RAB27A: variants seen among roughly 807,000 people sequenced by gnomAD.
RAB27A encodes RAB27A, member RAS oncogene family.
In RAB27A, 17 loss-of-function variants were observed where a neutral mutation model predicts 20.8. The observed-to-expected ratio is 0.82, with a 90% CI of 0.56 to 1.23. RAB27A has a LOEUF of 1.23. Among genes scored for constraint, RAB27A ranks in the 50% most tolerant of loss-of-function variants. The pLI is 0.00. For missense variants in RAB27A, 277 were observed against 266.7 expected (o/e 1.04, Z -0.27); for synonymous variants, 85 against 92.8 (o/e 0.92, Z 0.48).
chr15:55,285,450 G>C (rs766087669), intron 1 of RAB27A, among the ~76,000 whole-genome samples: 17 of 152,128 alleles, frequency 1.1e-4, no homozygotes, highest in African/African-American at 1.7e-4. Context: ...AAACCAGAGA[G>C]TCCAAACAGA....
At chr15:55,301,533 C>T (rs931939821) in intron 2 of RAB27A, among the ~76,000 whole-genome samples, 1 of 151,676 alleles carries the variant, frequency 6.6e-6, no homozygotes, top group African/African-American at 2.4e-5. Flanking sequence ...AATTCACACA[C>T]AATAAAGTTC....
chr15:55,233,218 T>C (rs368775337), intron 3 of RAB27A, among the ~76,000 whole-genome samples: 1 of 152,168 alleles, frequency 6.6e-6, no homozygotes, highest in Non-Finnish European at 1.5e-5. Context: ...GTCATTCGTA[T>C]AGCAATAATG....
chr15:55,318,686 A>T (rs901592959), intron 1 of RAB27A, among the ~76,000 whole-genome samples: 1 of 148,730 alleles, frequency 6.7e-6, no homozygotes, highest in African/African-American at 2.5e-5. Flanking sequence ...GGACTACAAG[A>T]GCGAAACTCC....
At chr15:55,258,244 G>T (rs568866778) in intron 2 of RAB27A, among the ~76,000 whole-genome samples, 1 of 152,024 alleles carries the variant, frequency 6.6e-6, no homozygotes, top group Non-Finnish European at 1.5e-5. Flanking sequence ...TGTTTTCCTA[G>T]AAGAAGAATT....
chr15:55,276,683 G>A (rs560634709), intron 1 of RAB27A, among the ~76,000 whole-genome samples: 1 of 152,318 alleles, frequency 6.6e-6, no homozygotes, highest in African/African-American at 2.4e-5. Flanking sequence ...CATAGTTAAA[G>A]AGAACAAGTT....
chr15:55,216,673 T>C (rs542059806), intron 6 of RAB27A, among the ~76,000 whole-genome samples: 3 of 152,306 alleles, frequency 2.0e-5, no homozygotes, highest in African/African-American at 7.2e-5. Context: ...AACTAACCCA[T>C]GAACATTGGT....
upstream of RAB27A, among the ~76,000 whole-genome samples, chr15:55,291,510 C>CAAAAA (rs530643102): frequency 7.2e-5 from 5 of 69,000 alleles, no homozygotes; most frequent in East Asian, 6.2e-4. Flanking sequence ...GACTCTGTTT[C>CAAAAA]AAAAAAAAAA....
intron 6 of RAB27A, among the ~76,000 whole-genome samples, chr15:55,213,106 G>C (rs1445084374): frequency 6.6e-6 from 1 of 152,166 alleles, no homozygotes; most frequent in African/African-American, 2.4e-5. Flanking sequence ...GCCACCACTT[G>C]TGAGGAATCT....
intron 2 of RAB27A, among the ~76,000 whole-genome samples, chr15:55,305,930 T>A (rs1463359884): frequency 1.3e-5 from 2 of 152,168 alleles, no homozygotes; most frequent in Non-Finnish European, 2.9e-5. Flanking sequence ...AAAGGAAGAA[T>A]GGGTACTCTT....
At chr15:55,297,317 T>C (rs2054953979) in intron 2 of RAB27A, among the ~76,000 whole-genome samples, 2 of 152,260 alleles carry the variant, frequency 1.3e-5, no homozygotes, top group African/African-American at 4.8e-5. Flanking sequence ...AAGCATAAGA[T>C]GCATGAAGGA....
chr15:55,277,011 A>T lies in RAB27A; in HGVS notation c.-142-6727T>A, dbSNP rs146477770. On this transcript the variant is annotated intron_variant, in intron 1 of 6. Coordinates refer to ENST00000336787, the MANE Select transcript of RAB27A (RefSeq NM_183235.3). ...ATACCTCCCATAAAGTAGTTTTTTTAAAAATAAATTGTTAAGTAGGGGAAG... is the reference window on the plus strand; with the variant it reads ...ATACCTCCCATAAAGTAGTTTTTTTTAAAATAAATTGTTAAGTAGGGGAAG... Among the ~76,000 whole-genome samples the T allele has an allele frequency of 1.5e-3, 230 of 152,264 alleles. 1 individual carries two copies. Among genetic ancestry groups the T allele is most frequent in the African/African-American group, 5.3e-3 (220 of 41,554 alleles).
intron 6 of RAB27A, among the ~76,000 whole-genome samples, chr15:55,211,288 A>T (rs1257498255): frequency 6.6e-6 from 1 of 152,148 alleles, no homozygotes; most frequent in East Asian, 1.9e-4. Flanking sequence ...GATATTTGTG[A>T]AGAATATTAT....
upstream of RAB27A, among the ~76,000 whole-genome samples, chr15:55,292,627 A>C (rs2054929184): frequency 6.6e-6 from 1 of 152,218 alleles, no homozygotes; most frequent in Non-Finnish European, 1.5e-5. Flanking sequence ...ATTAAGCAAC[A>C]GGAAGAAAAC....
At chr15:55,270,635 T>C (rs1897677562) in intron 1 of RAB27A, 1 of 152,186 alleles carries the variant, frequency 6.6e-6, no homozygotes, top group African/African-American at 2.4e-5. Context: ...AAGTGCCTTG[T>C]ATTCTCAAGG....
chr15:55,292,046 A>C (rs1455740969), upstream of RAB27A, among the ~76,000 whole-genome samples: 1 of 152,230 alleles, frequency 6.6e-6, no homozygotes, highest in East Asian at 1.9e-4. Context: ...TGGAAGCAAA[A>C]GATAGCATTC....
chr15:55,294,664 A>G (rs2054940096), upstream of RAB27A, among the ~76,000 whole-genome samples: 1 of 151,888 alleles, frequency 6.6e-6, no homozygotes, highest in Non-Finnish European at 1.5e-5. Flanking sequence ...ATAAAATTAC[A>G]TGATACACAA....
chr15:55,244,860 T>C (rs76784115), intron 2 of RAB27A, among the ~76,000 whole-genome samples: 4,402 of 152,316 alleles, frequency 0.029, 79 homozygotes, highest in Non-Finnish European at 0.036. Flanking sequence ...ATGACTGGCA[T>C]AGAAATATAA....
At chr15:55,222,377 T>G (rs1895611750) in intron 6 of RAB27A, among the ~76,000 whole-genome samples, 1 of 152,162 alleles carries the variant, frequency 6.6e-6, no homozygotes, top group Non-Finnish European at 1.5e-5. Context: ...TTATTCTTCC[T>G]TTTCCTTTTT....
chr15:55,220,655 A>G (rs1475163992), intron 6 of RAB27A, among the ~76,000 whole-genome samples: 1 of 152,244 alleles, frequency 6.6e-6, no homozygotes, highest in African/African-American at 2.4e-5. Flanking sequence ...CATACAAATT[A>G]TATGAAGATA....
Sources: gnomAD v4.1 joint callset for allele counts (sites outside exome capture counted in the v4.1 genomes callset) on GRCh38, gnomAD v4.1.1 for gene constraint, MANE v1.5 for transcripts, NCBI Gene and HGNC (gene_info 2026-07-23, HGNC 2026-07-21) for gene names.